SUPT3H: variants seen among roughly 807,000 people sequenced by gnomAD.
SUPT3H encodes SPT3 homolog, SAGA and STAGA complex component.
SUPT3H carries 44 observed loss-of-function variants against 44.3 expected under a neutral mutation model. That is an observed-to-expected ratio of 0.99 (90% confidence interval 0.78 to 1.28). The LOEUF (loss-of-function observed/expected upper bound fraction) is 1.28, where lower values mean the gene tolerates loss of function less well. SUPT3H is among the 50% of genes most tolerant of loss of function. SUPT3H has a pLI of 0.00. For synonymous variants in SUPT3H, 124 were observed against 125.6 expected (o/e 0.99, Z 0.09); for missense variants, 380 against 387.1 (o/e 0.98, Z 0.15).
At chr6:45,143,698 G>A (rs538482097) in intron 2 of SUPT3H, among the ~76,000 whole-genome samples, 36 of 151,998 alleles carry the variant, frequency 2.4e-4, no homozygotes, top group Non-Finnish European at 1.3e-4. Flanking sequence ...AAATAACAAA[G>A]ATCAGAGCAG....
At chr6:44,842,894 G>C (rs145074381) in intron 10 of SUPT3H, among the ~76,000 whole-genome samples, 6 of 151,488 alleles carry the variant, frequency 4.0e-5, no homozygotes, top group Non-Finnish European at 8.8e-5. Context: ...GGAGCAAAAA[G>C]ACATTGCTCA....
intron 3 of SUPT3H, among the ~76,000 whole-genome samples, chr6:45,031,636 A>C (rs927328421): frequency 6.6e-6 from 1 of 152,208 alleles, no homozygotes; most frequent in African/African-American, 2.4e-5. Context: ...GTGAATATCA[A>C]ATAAGCTCCA....
chr6:44,999,444 A>G (rs1781719751), intron 6 of SUPT3H, among the ~76,000 whole-genome samples: 1 of 151,916 alleles, frequency 6.6e-6, no homozygotes, highest in South Asian at 2.1e-4. Context: ...ACAGTGAATC[A>G]CTTTCTTCAC....
intron 1 of SUPT3H, among the ~76,000 whole-genome samples, chr6:45,365,945 T>A (rs1423805091): frequency 2.0e-5 from 3 of 152,052 alleles, no homozygotes; most frequent in African/African-American, 7.2e-5. Context: ...TTTTTCCCAA[T>A]AAAATTAAGG....
At chr6:45,183,542 A>C (rs568698570) in intron 2 of SUPT3H, among the ~76,000 whole-genome samples, 1 of 152,206 alleles carries the variant, frequency 6.6e-6, no homozygotes, top group Non-Finnish European at 1.5e-5. Context: ...GCTTTTAAAC[A>C]ACCAGCTCTT....
chr6:45,077,899 T>C (rs985361950), intron 3 of SUPT3H, among the ~76,000 whole-genome samples: 5 of 151,906 alleles, frequency 3.3e-5, no homozygotes, highest in African/African-American at 1.2e-4. Context: ...AAATAAAGAA[T>C]GGTATTAGTG....
intron 10 of SUPT3H, among the ~76,000 whole-genome samples, chr6:44,899,815 T>C (rs1306369100): frequency 6.6e-6 from 1 of 152,240 alleles, no homozygotes; most frequent in Non-Finnish European, 1.5e-5. Flanking sequence ...TCAAATGTAT[T>C]AGTACTTTTC....
At chr6:45,367,575 C>G (rs905100940) in intron 1 of SUPT3H, among the ~76,000 whole-genome samples, 9 of 152,096 alleles carry the variant, frequency 5.9e-5, no homozygotes, top group South Asian at 2.1e-4. Context: ...TTCTCAAAGA[C>G]CTCAGGAAAT....
intron 2 of SUPT3H, among the ~76,000 whole-genome samples, chr6:45,258,180 A>G (rs1298445104): frequency 6.6e-6 from 1 of 152,212 alleles, no homozygotes; most frequent in Non-Finnish European, 1.5e-5. Flanking sequence ...CTCCAAGAAG[A>G]GTTTTTATAT....
At chr6:45,049,101 A>G (rs1789874747) in intron 3 of SUPT3H, among the ~76,000 whole-genome samples, 3 of 152,236 alleles carry the variant, frequency 2.0e-5, no homozygotes, top group African/African-American at 7.2e-5. Flanking sequence ...TAGCCCTTCC[A>G]CAATGTACAC....
chr6:45,230,936 G>A (rs1767921200), intron 2 of SUPT3H, among the ~76,000 whole-genome samples: 1 of 151,992 alleles, frequency 6.6e-6, no homozygotes, highest in South Asian at 2.1e-4. Flanking sequence ...CTCCCAAAGT[G>A]CTGGGATTAC....
At chr6:45,006,860 A>G (rs1220313558) in intron 5 of SUPT3H, among the ~76,000 whole-genome samples, 1 of 152,192 alleles carries the variant, frequency 6.6e-6, no homozygotes, top group African/African-American at 2.4e-5. Context: ...CACATATTGT[A>G]TCATTAGAGA....
chr6:45,312,498 G>A (rs1334169066), intron 2 of SUPT3H, among the ~76,000 whole-genome samples: 1 of 139,860 alleles, frequency 7.2e-6, no homozygotes, highest in African/African-American at 2.7e-5. Flanking sequence ...CTGGACGACA[G>A]AGTGAGACTC....
intron 2 of SUPT3H, among the ~76,000 whole-genome samples, chr6:45,255,422 T>TTG (rs1773195655): frequency 6.7e-6 from 1 of 149,484 alleles, no homozygotes; most frequent in African/African-American, 2.5e-5. Flanking sequence ...TAATAGGTTT[T>TTG]TTTTTTTTTT....
At chr6:45,031,047 T>A (rs901877796) in intron 3 of SUPT3H, among the ~76,000 whole-genome samples, 1 of 152,198 alleles carries the variant, frequency 6.6e-6, no homozygotes, top group Non-Finnish European at 1.5e-5. Flanking sequence ...CCAAACCATC[T>A]TGACTTTCTT....
chr6:45,241,533 C>T (rs542839093), intron 2 of SUPT3H, among the ~76,000 whole-genome samples: 1 of 152,102 alleles, frequency 6.6e-6, no homozygotes, highest in Non-Finnish European at 1.5e-5. Flanking sequence ...CAATGTTTAT[C>T]GCTGGCTTGA....
chr6:45,235,714 A>G (rs1320950503), intron 2 of SUPT3H, among the ~76,000 whole-genome samples: 1 of 152,200 alleles, frequency 6.6e-6, no homozygotes, highest in Non-Finnish European at 1.5e-5. Context: ...TTAAAGAAGA[A>G]GGCAGATTAG....
At position 44,829,628 on chromosome 6, in the gene SUPT3H, A is replaced by G. The variant is rs1050537770; in HGVS notation, c.*188T>C. The stretch of plus-strand genomic sequence containing the variant: ...CTGCCATTAATTAGCTGAACAGCCC[A>G]TCTAGTAAACAAGACCGATGGTTGA... On this transcript the variant is annotated 3_prime_UTR_variant, in exon 11 of 11. Coordinates refer to ENST00000371459, the MANE Select transcript of SUPT3H (RefSeq NM_003599.4). 1.6e-6 allele frequency: 1 copy of G among 614,826 alleles called. No individual in the cohort carries two copies. The highest frequency in any genetic ancestry group is 2.9e-6 in the Non-Finnish European group (1 of 343,192). The allele number at this position is 614,826 out of a possible 1,614,324, so 38.1% of individuals were successfully genotyped here.
chr6:45,101,314 A>G (rs1265834099), intron 3 of SUPT3H, among the ~76,000 whole-genome samples: 1 of 152,226 alleles, frequency 6.6e-6, no homozygotes, highest in East Asian at 1.9e-4. Flanking sequence ...AATCCCAGCT[A>G]CTTGGGAGGC....
Sources: gnomAD v4.1 joint callset for allele counts (sites outside exome capture counted in the v4.1 genomes callset) on GRCh38, gnomAD v4.1.1 for gene constraint, MANE v1.5 for transcripts, NCBI Gene and HGNC (gene_info 2026-07-23, HGNC 2026-07-21) for gene names.